Variants in TRABD2B observed in about 807,000 individuals in gnomAD.
TRABD2B encodes the protein TraB domain containing 2B.
TRABD2B carries 14 observed loss-of-function variants against 40.1 expected under a neutral mutation model. The ratio of observed to expected loss-of-function variants is 0.35; its 90% CI spans 0.23 to 0.55. The LOEUF (loss-of-function observed/expected upper bound fraction) is 0.55, where lower values mean the gene tolerates loss of function less well. Among genes scored for constraint, TRABD2B ranks in the 20% least tolerant of loss-of-function variants. TRABD2B has a pLI of 0.90. For missense variants in TRABD2B, 541 were observed against 648.6 expected (o/e 0.83, Z 1.80); for synonymous variants, 263 against 277.0 (o/e 0.95, Z 0.50).
At chr1:47,963,887 C>G (rs1223224266) in intron 2 of TRABD2B, among the ~76,000 whole-genome samples, 1 of 152,222 alleles carries the variant, frequency 6.6e-6, no homozygotes, top group Non-Finnish European at 1.5e-5. Context: ...AACGTCTAGT[C>G]TGCAACAGGA....
chr1:47,956,686 G>A (rs887839325), intron 2 of TRABD2B, among the ~76,000 whole-genome samples: 11 of 152,268 alleles, frequency 7.2e-5, no homozygotes, highest in Admixed American at 2.6e-4. Flanking sequence ...TGAGGCTTGA[G>A]TAGGTAAACA....
chr1:47,905,223 G>T (rs1172168532), intron 2 of TRABD2B, among the ~76,000 whole-genome samples: 1 of 152,254 alleles, frequency 6.6e-6, no homozygotes. Context: ...AGGGGAGCAG[G>T]TTCTCAATAA....
intron 2 of TRABD2B, among the ~76,000 whole-genome samples, chr1:47,894,170 C>T (rs1644486812): frequency 6.6e-6 from 1 of 152,068 alleles, no homozygotes; most frequent in Non-Finnish European, 1.5e-5. Flanking sequence ...CGGATGCAGC[C>T]TACAATAATA....
At chr1:47,949,573 A>G (rs1269994439) in intron 2 of TRABD2B, among the ~76,000 whole-genome samples, 2 of 151,406 alleles carry the variant, frequency 1.3e-5, no homozygotes, top group East Asian at 3.9e-4. Flanking sequence ...ATGGCCAGCT[A>G]ATATTTGTAT....
At chr1:47,984,251 G>C (rs1273580691) in intron 2 of TRABD2B, among the ~76,000 whole-genome samples, 1 of 152,258 alleles carries the variant, frequency 6.6e-6, no homozygotes, top group East Asian at 1.9e-4. Context: ...CTCCACCGCA[G>C]GAACGCCTCG....
chr1:47,985,164 C>T (rs766304276), intron 2 of TRABD2B, among the ~76,000 whole-genome samples: 1 of 152,220 alleles, frequency 6.6e-6, no homozygotes, highest in Non-Finnish European at 1.5e-5. Context: ...CTTACACTCC[C>T]GATAAGTGCA....
intron 2 of TRABD2B, among the ~76,000 whole-genome samples, chr1:47,857,038 C>G (rs1190801259): frequency 6.6e-6 from 1 of 152,226 alleles, no homozygotes; most frequent in Non-Finnish European, 1.5e-5. Context: ...GCCAGGTGAC[C>G]GCAGTAGCAC....
At chr1:47,805,194 T>C (rs1644874938) in intron 2 of TRABD2B, among the ~76,000 whole-genome samples, 1 of 151,730 alleles carries the variant, frequency 6.6e-6, no homozygotes, top group Non-Finnish European at 1.5e-5. Context: ...CTGGACCACA[T>C]GGCTGGATTT....
chr1:47,951,076 C>T (rs1645336400), intron 2 of TRABD2B, among the ~76,000 whole-genome samples: 1 of 152,312 alleles, frequency 6.6e-6, no homozygotes, highest in Non-Finnish European at 1.5e-5. Context: ...TCCCAAAAGT[C>T]CTGCAGGGCA....
At position 47,996,663 on chromosome 1, in the gene TRABD2B, A is replaced by G; in HGVS notation, c.102+25T>C. 1 of 1,228,382 alleles carries G rather than the reference A, an allele frequency of 8.1e-7. No homozygotes were observed. Among genetic ancestry groups the G allele is most frequent in the Non-Finnish European group, 1.0e-6 (1 of 984,700 alleles). The allele number at this position is 1,228,382 out of a possible 1,614,324, so 76.1% of individuals were successfully genotyped here. A position where few individuals can be genotyped will look rare whatever the true frequency, so the allele number is the denominator to read the frequency against. ...ACTAGAATACCCAGGCAGGCGGGAG[A>G]GTGGCCGGGCAGGCGCTCGCTCACC... is the stretch of plus-strand genomic sequence containing the variant. On this transcript the variant is annotated intron_variant, in intron 1 of 6. Transcript: ENST00000606738. The surrounding 1 kb of genome is among the most constrained non-coding windows in gnomAD (Gnocchi z 4.6).
intron 2 of TRABD2B, among the ~76,000 whole-genome samples, chr1:47,864,850 C>T (rs781009443): frequency 9.2e-5 from 14 of 152,130 alleles, no homozygotes; most frequent in Non-Finnish European, 1.5e-4. Context: ...GTTGGGTGGA[C>T]GATCAGGGCT....
intron 2 of TRABD2B, among the ~76,000 whole-genome samples, chr1:47,856,092 T>C (rs186108458): frequency 3.5e-4 from 54 of 152,368 alleles, no homozygotes; most frequent in Admixed American, 3.5e-3. Context: ...AGCCACTTTC[T>C]AAGCATGAGA....
chr1:47,799,302 G>A (rs963193968), intron 3 of TRABD2B, among the ~76,000 whole-genome samples: 2 of 152,114 alleles, frequency 1.3e-5, no homozygotes, highest in Admixed American at 6.5e-5. Flanking sequence ...CAGGACTCAC[G>A]GGGGTCTCCC....
chr1:47,811,122 G>A (rs534351012), intron 2 of TRABD2B, among the ~76,000 whole-genome samples: 1 of 152,306 alleles, frequency 6.6e-6, no homozygotes, highest in African/African-American at 2.4e-5. Context: ...GTGGCTTCCT[G>A]CTGAGATGTG....
At position 47,791,866 on chromosome 1, in the gene TRABD2B, G is replaced by C. The variant is rs541911899; in HGVS notation, c.988+2720C>G. On this transcript the variant is annotated intron_variant, in intron 4 of 6. Transcript: ENST00000606738. ...GCTCAATGCCCTGCACACAAAAACA[G>C]AGCCCTTGGATCATAGATCCTGGGC... 3.3e-5 allele frequency among the ~76,000 whole-genome samples: 5 copies of C among 152,338 alleles called. No individual in the cohort carries two copies. The East Asian group carries it at 9.6e-4, about 29-fold the overall frequency.
chr1:47,791,299 T>C (rs1213209004), intron 4 of TRABD2B, among the ~76,000 whole-genome samples: 1 of 152,186 alleles, frequency 6.6e-6, no homozygotes, highest in African/African-American at 2.4e-5. Flanking sequence ...TGTCGTGGAA[T>C]GACAGAAGAG....
chr1:47,939,155 G>C (rs1645153672), intron 2 of TRABD2B, among the ~76,000 whole-genome samples: 1 of 152,002 alleles, frequency 6.6e-6, no homozygotes, highest in African/African-American at 2.4e-5. Context: ...CCAGGATTCT[G>C]TAATTATCAT....
intron 2 of TRABD2B, among the ~76,000 whole-genome samples, chr1:47,886,230 C>T (rs142555548): frequency 2.4e-4 from 36 of 152,306 alleles, no homozygotes; most frequent in Non-Finnish European, 4.1e-4. Flanking sequence ...CCCTCCATGA[C>T]CAACCCAGTC....
chr1:47,937,642 GA>G (rs202048357), intron 2 of TRABD2B, among the ~76,000 whole-genome samples: 14 of 147,082 alleles, frequency 9.5e-5, no homozygotes, highest in East Asian at 3.9e-4. Flanking sequence ...GAATTTTTAG[GA>G]AAAAAAAAAA....
Sources: allele counts gnomAD v4.1 joint callset (sites outside exome capture counted in the v4.1 genomes callset), GRCh38; gene constraint gnomAD v4.1.1; non-coding constraint Gnocchi (gnomAD v3.1); transcripts MANE v1.5; gene names NCBI Gene and HGNC (gene_info 2026-07-23, HGNC 2026-07-21).